The following BBX variants were observed in gnomAD, a reference collection of about 807,000 sequenced individuals.
BBX encodes BBX high mobility group box domain containing.
BBX carries 30 observed loss-of-function variants against 100.2 expected under a neutral mutation model. The ratio of observed to expected loss-of-function variants is 0.30; its 90% CI spans 0.22 to 0.41. The LOEUF (loss-of-function observed/expected upper bound fraction) is 0.41. Among genes scored for constraint, BBX ranks in the 10% least tolerant of loss-of-function variants. The probability of loss-of-function intolerance (pLI) is 1.00; values close to 1 mark genes in which losing one functional copy is unlikely to be tolerated. For synonymous variants in BBX, 376 were observed against 388.1 expected (o/e 0.97, Z 0.37); for missense variants, 1,023 against 1,129.8 (o/e 0.91, Z 1.35).
At chr3:107,745,081 A>C (rs1044989605) in intron 8 of BBX, among the ~76,000 whole-genome samples, 1 of 152,138 alleles carries the variant, frequency 6.6e-6, no homozygotes, top group Non-Finnish European at 1.5e-5. Context: ...CTATGCAGCT[A>C]ATCTATGCAT....
intron 2 of BBX, among the ~76,000 whole-genome samples, chr3:107,616,186 T>G (rs549477412): frequency 2.3e-4 from 35 of 151,962 alleles, no homozygotes; most frequent in Middle Eastern, 3.4e-3. Context: ...AGATTCAAAA[T>G]TTTTTTAGTG....
At chr3:107,660,620 G>A (rs894676074) in intron 3 of BBX, among the ~76,000 whole-genome samples, 4 of 150,770 alleles carry the variant, frequency 2.7e-5, no homozygotes, top group African/African-American at 9.7e-5. Context: ...AAAAATTGCT[G>A]AACATGATGG....
At chr3:107,782,880 A>G (rs2068043818) in intron 13 of BBX, among the ~76,000 whole-genome samples, 2 of 152,078 alleles carry the variant, frequency 1.3e-5, no homozygotes, top group African/African-American at 4.8e-5. Context: ...CCCTCAAGAA[A>G]TTTGGTAGGG....
intron 2 of BBX, among the ~76,000 whole-genome samples, chr3:107,557,115 A>G (rs1471055244): frequency 6.6e-6 from 1 of 152,248 alleles, no homozygotes; most frequent in Non-Finnish European, 1.5e-5. Context: ...ACACTGGTGT[A>G]ATTCACATAC....
chr3:107,584,917 G>C (rs140922737), intron 2 of BBX, among the ~76,000 whole-genome samples: 1 of 151,900 alleles, frequency 6.6e-6, no homozygotes, highest in South Asian at 2.1e-4. Flanking sequence ...CCTGACCTCA[G>C]ATGATCTGCC....
At chr3:107,631,737 T>G (rs377144131) in intron 2 of BBX, among the ~76,000 whole-genome samples, 1 of 152,196 alleles carries the variant, frequency 6.6e-6, no homozygotes, top group African/African-American at 2.4e-5. Context: ...TCAATTTTCC[T>G]TAGCTACGGA....
At chr3:107,693,986 T>G (rs538797082) in intron 3 of BBX, among the ~76,000 whole-genome samples, 1 of 150,736 alleles carries the variant, frequency 6.6e-6, no homozygotes, top group Admixed American at 6.6e-5. Context: ...CACTCATGAT[T>G]TGGCTCTCTG....
chr3:107,527,317 A>G (rs1394611649), intron 2 of BBX, among the ~76,000 whole-genome samples: 2 of 152,226 alleles, frequency 1.3e-5, no homozygotes, highest in Non-Finnish European at 2.9e-5. Context: ...TTGTAATATT[A>G]CCATAGTGAA....
chr3:107,704,005 A>G (rs1336242969), intron 3 of BBX, among the ~76,000 whole-genome samples: 1 of 152,128 alleles, frequency 6.6e-6, no homozygotes, highest in African/African-American at 2.4e-5. Context: ...GCTTTGTATT[A>G]TAGCTCTTTT....
At chr3:107,565,747 G>A (rs552554007) in intron 2 of BBX, among the ~76,000 whole-genome samples, 17 of 151,656 alleles carry the variant, frequency 1.1e-4, no homozygotes, top group Admixed American at 8.5e-4. Context: ...ATGAGCCACC[G>A]TGCCCAACCT....
At chr3:107,608,909 A>G (rs570540797) in intron 2 of BBX, among the ~76,000 whole-genome samples, 5 of 152,310 alleles carry the variant, frequency 3.3e-5, no homozygotes, top group Non-Finnish European at 7.4e-5. Flanking sequence ...CTGATCTTGT[A>G]TCCTGCAAAT....
chr3:107,650,292 T>C lies in BBX; in HGVS notation c.-10+4383T>C, dbSNP rs182102243. 2.4e-3 allele frequency among the ~76,000 whole-genome samples: 368 copies of C among 152,226 alleles called. 3 individuals are homozygous for C. The highest frequency in any genetic ancestry group is 8.5e-3 in the African/African-American group (354 of 41,538). On this transcript the variant is annotated intron_variant, in intron 3 of 17. Transcript: ENST00000325805. ...ATTCTCATAGGAACCTGAACCCTAC[T>C]GTGGACTGCATATATGAGGGATCTA... is the stretch of plus-strand genomic sequence containing the variant.
chr3:107,663,336 T>C (rs2058561175), intron 3 of BBX, among the ~76,000 whole-genome samples: 1 of 151,966 alleles, frequency 6.6e-6, no homozygotes, highest in African/African-American at 2.4e-5. Flanking sequence ...ACTATGATAA[T>C]TTTTTTTGCT....
intron 2 of BBX, among the ~76,000 whole-genome samples, chr3:107,582,047 C>A (rs2052316215): frequency 1.3e-5 from 2 of 151,580 alleles, no homozygotes; most frequent in Admixed American, 6.6e-5. Flanking sequence ...ATGTTTTCCC[C>A]CAAAACTTTA....
chr3:107,593,962 G>A (rs1172919951), intron 2 of BBX, among the ~76,000 whole-genome samples: 2 of 152,172 alleles, frequency 1.3e-5, no homozygotes, highest in Non-Finnish European at 2.9e-5. Flanking sequence ...GTAGTTGAGA[G>A]GGAGGTTTTG....
At chr3:107,747,228 AGTGTGTGTGT>A (rs148845246) in intron 8 of BBX, among the ~76,000 whole-genome samples, 2 of 148,116 alleles carry the variant, frequency 1.4e-5, no homozygotes, top group Admixed American at 1.3e-4. Flanking sequence ...CTAACGTGTG[AGTGTGTGTGT>A]GTGTGTGTGT....
intron 2 of BBX, among the ~76,000 whole-genome samples, chr3:107,640,684 A>G (rs1297065715): frequency 6.6e-6 from 1 of 151,708 alleles, no homozygotes; most frequent in African/African-American, 2.4e-5. Context: ...GTTTCATAAG[A>G]TGGAGTCTTG....
At chr3:107,657,617 G>T (rs2058222994) in intron 3 of BBX, among the ~76,000 whole-genome samples, 1 of 152,114 alleles carries the variant, frequency 6.6e-6, no homozygotes, top group African/African-American at 2.4e-5. Flanking sequence ...ATTTAAGTGT[G>T]GGTGTTCACA....
chr3:107,702,106 T>A (rs899543619), intron 3 of BBX, among the ~76,000 whole-genome samples: 1 of 152,086 alleles, frequency 6.6e-6, no homozygotes, highest in Admixed American at 6.5e-5. Context: ...TGTAGTAGGG[T>A]CAGAACACAG....
Sources: allele counts gnomAD v4.1 joint callset (sites outside exome capture counted in the v4.1 genomes callset), GRCh38; gene constraint gnomAD v4.1.1; transcripts MANE v1.5; gene names NCBI Gene and HGNC (gene_info 2026-07-23, HGNC 2026-07-21).